The following FRMD4A variants were observed in gnomAD, a reference collection of about 807,000 sequenced individuals.
The protein encoded by FRMD4A is FERM domain containing 4A, also known as FERM domain-containing protein 4A.
FRMD4A carries 29 observed loss-of-function variants against 129.1 expected under a neutral mutation model. The ratio of observed to expected loss-of-function variants is 0.22; its 90% CI spans 0.17 to 0.31. FRMD4A has a LOEUF of 0.31. Among genes scored for constraint, FRMD4A ranks in the 10% least tolerant of loss-of-function variants. FRMD4A has a pLI of 1.00. For synonymous variants in FRMD4A, 634 were observed against 571.6 expected, an observed-to-expected ratio of 1.11 and a Z score of -1.56; for missense variants, 1,272 against 1,375.8, an observed-to-expected ratio of 0.92 and a Z score of 1.19.
chr10:14,174,673 A>G (rs1308374370), intron 2 of FRMD4A, among the ~76,000 whole-genome samples: 1 of 152,202 alleles, frequency 6.6e-6, no homozygotes, highest in African/African-American at 2.4e-5. Context: ...GCTGAAAAAG[A>G]AATCCCACTG....
At chr10:14,296,944 G>A (rs1237913916) in intron 2 of FRMD4A, among the ~76,000 whole-genome samples, 2 of 152,106 alleles carry the variant, frequency 1.3e-5, no homozygotes, top group African/African-American at 2.4e-5. Flanking sequence ...GACAACATCA[G>A]TAAATCACAG....
intron 12 of FRMD4A, among the ~76,000 whole-genome samples, chr10:13,720,989 A>G (rs549223821): frequency 6.6e-6 from 1 of 152,350 alleles, no homozygotes; most frequent in South Asian, 2.1e-4. Context: ...GCCACATACC[A>G]TATGGTTCCA....
chr10:14,188,233 G>A (rs922547989), intron 2 of FRMD4A, among the ~76,000 whole-genome samples: 3 of 152,034 alleles, frequency 2.0e-5, no homozygotes, highest in Admixed American at 1.3e-4. Flanking sequence ...AACCTTTCTG[G>A]ACGCCTGCCT....
intron 2 of FRMD4A, among the ~76,000 whole-genome samples, chr10:13,963,555 T>C (rs182820522): frequency 2.0e-5 from 3 of 152,292 alleles, no homozygotes; most frequent in African/African-American, 7.2e-5. Flanking sequence ...GAAAACCCAA[T>C]CTCATTTTAG....
chr10:13,958,281 G>GTTTTTTTTTT lies in FRMD4A; in HGVS notation c.46-99379_46-99370dup, dbSNP rs35369777. ...CGCGTGAACAACAGCCATGACCATTGTTTTTTTTTTTTTTTTTTTTGGAGA... is the reference window on the plus strand; with the variant it reads ...CGCGTGAACAACAGCCATGACCATTGTTTTTTTTTTTTTTTTTTTTTTTTTTTTTTGGAGA... On this transcript the variant is annotated intron_variant, in intron 2 of 24. Coordinates refer to ENST00000357447, the MANE Select transcript of FRMD4A (RefSeq NM_018027.5). Among the ~76,000 whole-genome samples the GTTTTTTTTTT allele has an allele frequency of 3.8e-5, 4 of 104,660 alleles. 1 individual carries two copies. Among genetic ancestry groups the GTTTTTTTTTT allele is most frequent in the African/African-American group, 3.8e-5 (1 of 26,604 alleles). The allele number at this position is 104,660 out of a possible 152,430, so 68.7% of individuals were successfully genotyped here.
intron 2 of FRMD4A, among the ~76,000 whole-genome samples, chr10:13,864,231 C>T (rs185525265): frequency 6.6e-6 from 1 of 150,806 alleles, no homozygotes; most frequent in Non-Finnish European, 1.5e-5. Context: ...CCTGGCCTCA[C>T]GTGATCTTCC....
chr10:13,797,891 TTCAC>T (rs10565020), intron 4 of FRMD4A, among the ~76,000 whole-genome samples: 54,873 of 151,054 alleles, frequency 0.36, 10,954 homozygotes, highest in Middle Eastern at 0.48. Context: ...TTTTTGAGGC[TTCAC>T]TCAAACTGCA....
At chr10:14,038,302 G>A (rs1833602707) in intron 2 of FRMD4A, among the ~76,000 whole-genome samples, 2 of 152,060 alleles carry the variant, frequency 1.3e-5, no homozygotes, top group African/African-American at 2.4e-5. Context: ...CAGCCTGGGC[G>A]ACAAAGCGAG....
chr10:14,192,508 C>T (rs1842349419), intron 2 of FRMD4A, among the ~76,000 whole-genome samples: 1 of 152,204 alleles, frequency 6.6e-6, no homozygotes, highest in African/African-American at 2.4e-5. Flanking sequence ...CCTCCACATT[C>T]CTTTTATTCT....
chr10:14,032,544 T>C (rs7895843), intron 2 of FRMD4A, among the ~76,000 whole-genome samples: 31,609 of 152,164 alleles, frequency 0.21, 3,787 homozygotes, highest in East Asian at 0.44. Context: ...CAAGTAGCGC[T>C]ATCCACACCC....
At chr10:13,655,651 C>T (rs73588485) in intron 22 of FRMD4A, 1 of 152,112 alleles carries the variant, frequency 6.6e-6, no homozygotes, top group Admixed American at 6.5e-5. Flanking sequence ...CACCAAGAAT[C>T]TCCTACAGTT....
chr10:13,706,963 C>T (rs1258326565), intron 13 of FRMD4A, 74 bp downstream of exon 13: 1 of 804,794 alleles, frequency 1.2e-6, no homozygotes. Flanking sequence ...ACAACGACAG[C>T]CCCAAAATAA....
chr10:13,737,601 A>C (rs11591544), intron 12 of FRMD4A, among the ~76,000 whole-genome samples: 39,436 of 151,974 alleles, frequency 0.26, 5,531 homozygotes, highest in Non-Finnish European at 0.31. Flanking sequence ...GAACTGAGCC[A>C]GTCATCTCAC....
At position 13,656,848 on chromosome 10, in the gene FRMD4A, G is replaced by A. The variant is rs764374574; in HGVS notation, c.2741C>T (p.Ala914Val). The part of the protein sequence containing the change: ...LRTPSLGREG[A>V]HDKGAGRAAV... ...GGCACGGCCCGCGCCCTTGTCGTGG[G>A]CGCCCTCGCGGCCCAGCGACGGAGT... The change falls in exon 22 of 25, where the codon GCC (alanine) becomes GTC (valine). Residue 914 changes from alanine to valine, a missense_variant. Ala to Val is a moderately conservative substitution (Grantham distance 64, BLOSUM62 0). This residue lies in a region of FRMD4A where 972 missense variants were observed against 892.3 expected (regional missense o/e 1.09). Transcript: ENST00000357447. 7 of 1,505,124 alleles carry A rather than the reference G, an allele frequency of 4.7e-6. No individual in the cohort carries two copies. The highest frequency in any genetic ancestry group is 2.3e-5 in the Admixed American group (1 of 44,082). 93.2% of individuals were successfully genotyped at this position (1,505,124 alleles called of 1,614,324 possible).
In FRMD4A at chr10:13,796,878, C is replaced by A. The variant is rs184967801; in HGVS notation, c.207-290G>T. Among the ~76,000 whole-genome samples the A allele has an allele frequency of 3.3e-3, 495 of 152,218 alleles. 2 individuals carry two copies. The highest frequency in any genetic ancestry group is 5.0e-3 in the Non-Finnish European group (337 of 68,004). ...GGGACTACAAGCATGAGCCACCATG[C>A]CCGGCTAATTTTTGTATTTTTGGTA... On this transcript the variant is annotated intron_variant, in intron 4 of 24. Coordinates refer to ENST00000357447, the MANE Select transcript of FRMD4A (RefSeq NM_018027.5).
chr10:13,772,081 C>T (rs759344184), intron 6 of FRMD4A, among the ~76,000 whole-genome samples: 14 of 149,280 alleles, frequency 9.4e-5, no homozygotes, highest in Non-Finnish European at 1.5e-4. Flanking sequence ...CACGTCACCG[C>T]ACTCCAGCCT....
rs548198422 is a variant in FRMD4A, at chr10:13,751,577, C to T, written c.465-3758G>A. Among the ~76,000 whole-genome samples, 10 of 152,326 alleles carry T rather than the reference C, an allele frequency of 6.6e-5. 1 individual carries two copies. In the South Asian group the frequency reaches 1.7e-3, roughly 25 times the overall value. On this transcript the variant is annotated intron_variant, in intron 8 of 24. Transcript: ENST00000357447. Reference sequence around the variant, plus strand: ...CAGAGCTTGCAAGGCTGTGGCCTAACGAATGTTCTAGAAGTTCACAGCTTC... The same window carrying T: ...CAGAGCTTGCAAGGCTGTGGCCTAATGAATGTTCTAGAAGTTCACAGCTTC...
chr10:14,310,651 C>T (rs1439877613), intron 2 of FRMD4A, among the ~76,000 whole-genome samples: 1 of 152,132 alleles, frequency 6.6e-6, no homozygotes, highest in Non-Finnish European at 1.5e-5. Context: ...GCATAATAAA[C>T]GATTAGGGTG....
intron 2 of FRMD4A, among the ~76,000 whole-genome samples, chr10:14,008,958 C>A (rs970254740): frequency 3.9e-5 from 6 of 152,144 alleles, no homozygotes; most frequent in Non-Finnish European, 8.8e-5. Flanking sequence ...TGAATCAAAT[C>A]AAATCGAACA....
Sources: gnomAD v4.1 joint callset for allele counts (sites outside exome capture counted in the v4.1 genomes callset) on GRCh38, gnomAD v4.1.1 for gene constraint, gnomAD v4.1.1 regional missense constraint, MANE v1.5 for transcripts, NCBI Gene and HGNC (gene_info 2026-07-23, HGNC 2026-07-21) for gene names.